CDH23: variants seen among roughly 807,000 people sequenced by gnomAD.
The protein encoded by CDH23 is cadherin related 23.
A neutral mutation model predicts 317.1 loss-of-function variants in CDH23; 189 were observed. The ratio of observed to expected loss-of-function variants is 0.60; its 90% CI spans 0.53 to 0.67. The LOEUF is 0.67. Among genes scored for constraint, CDH23 ranks in the 30% least tolerant of loss-of-function variants. CDH23 has a pLI of 0.00. For synonymous variants in CDH23, 1,839 were observed against 1,876.8 expected, an observed-to-expected ratio of 0.98 and a Z score of 0.52; for missense variants, 4,401 against 4,592.4, an observed-to-expected ratio of 0.96 and a Z score of 1.20.
chr10:71,748,770 A>G (rs755969435), intron 38 of CDH23: 1 of 152,626 alleles, frequency 6.6e-6, no homozygotes, highest in Admixed American at 6.5e-5. Flanking sequence ...CAGGGCTGGC[A>G]TCAGAGGCAC....
At chr10:71,729,567 G>C (rs568278655) in intron 30 of CDH23, among the ~76,000 whole-genome samples, 3 of 152,324 alleles carry the variant, frequency 2.0e-5, no homozygotes, top group Middle Eastern at 3.4e-3. Context: ...CCAACAGCCC[G>C]GGTGTGGGTG....
chr10:71,580,588 C>A (rs1370832849), intron 9 of CDH23, among the ~76,000 whole-genome samples: 1 of 152,174 alleles, frequency 6.6e-6, no homozygotes, highest in Non-Finnish European at 1.5e-5. Context: ...GTGCAGTATT[C>A]AATTGGCAGA....
At chr10:71,442,597 C>T (rs538148810) in intron 2 of CDH23, among the ~76,000 whole-genome samples, 1 of 152,276 alleles carries the variant, frequency 6.6e-6, no homozygotes, top group African/African-American at 2.4e-5. Context: ...GCCCTTCTCC[C>T]CTCTGGCCTC....
At chr10:71,497,114 G>A (rs1316327766) in intron 3 of CDH23, among the ~76,000 whole-genome samples, 1 of 152,182 alleles carries the variant, frequency 6.6e-6, no homozygotes, top group East Asian at 1.9e-4. Flanking sequence ...GGGGACATCA[G>A]GATCACTTCT....
intron 38 of CDH23, 53 bp from the exon 39 acceptor site, chr10:71,777,627 A>C: frequency 6.6e-7 from 1 of 1,513,042 alleles, no homozygotes; most frequent in Non-Finnish European, 9.0e-7. Flanking sequence ...ATCTGGATCC[A>C]CCTTGGTCCC....
At chr10:71,800,597 G>C in intron 52 of CDH23, 39 bp from the exon 53 acceptor site, 1 of 1,601,988 alleles carries the variant, frequency 6.2e-7, no homozygotes, top group Non-Finnish European at 8.5e-7. Context: ...AATATCTTTT[G>C]AATGATTGAA....
chr10:71,685,426 G>A (rs1158749072), intron 18 of CDH23, among the ~76,000 whole-genome samples: 1 of 152,226 alleles, frequency 6.6e-6, no homozygotes, highest in African/African-American at 2.4e-5. Context: ...CCTAAAAGGG[G>A]CCGGAGCATG....
chr10:71,746,502 G>C (rs1239492990), intron 38 of CDH23, among the ~76,000 whole-genome samples: 1 of 152,246 alleles, frequency 6.6e-6, no homozygotes. Flanking sequence ...TGTGCCACTG[G>C]CCGGGGGAGT....
At chr10:71,662,108 G>A (rs977715219) in intron 14 of CDH23, among the ~76,000 whole-genome samples, 1 of 151,732 alleles carries the variant, frequency 6.6e-6, no homozygotes, top group Non-Finnish European at 1.5e-5. Context: ...AATTTCTTCC[G>A]GCAGCCTGGG....
intron 30 of CDH23, among the ~76,000 whole-genome samples, chr10:71,726,089 C>A (rs1321252646): frequency 6.6e-6 from 1 of 152,186 alleles, no homozygotes; most frequent in Non-Finnish European, 1.5e-5. Context: ...TCCCGAATGG[C>A]TGAAAACCTA....
chr10:71,561,436 G>A (rs1358383205), intron 6 of CDH23, among the ~76,000 whole-genome samples: 2 of 152,026 alleles, frequency 1.3e-5, no homozygotes, highest in African/African-American at 2.4e-5. Context: ...GAGCAACCTA[G>A]CCACCTCTGG....
chr10:71,726,830 G>A (rs1342734145), intron 30 of CDH23, among the ~76,000 whole-genome samples: 2 of 152,174 alleles, frequency 1.3e-5, no homozygotes, highest in East Asian at 1.9e-4. Context: ...CTCGCTCCCC[G>A]CTCCCTCACC....
At chr10:71,554,064 G>A (rs553012160) in intron 6 of CDH23, among the ~76,000 whole-genome samples, 36 of 152,194 alleles carry the variant, frequency 2.4e-4, no homozygotes, top group African/African-American at 3.6e-4. Context: ...ACACAGCCCC[G>A]TGAGGTAATA....
chr10:71,572,342 T>A (rs1857873627), intron 8 of CDH23, among the ~76,000 whole-genome samples: 1 of 152,164 alleles, frequency 6.6e-6, no homozygotes, highest in African/African-American at 2.4e-5. Flanking sequence ...AGGTCAGCTG[T>A]GACGTGCTGT....
At chr10:71,762,201 G>C (rs1019940066) in intron 38 of CDH23, among the ~76,000 whole-genome samples, 2 of 152,244 alleles carry the variant, frequency 1.3e-5, no homozygotes, top group Non-Finnish European at 2.9e-5. Flanking sequence ...TCCATCCTAG[G>C]CTGTTGTAGG....
chr10:71,581,943 C>T (rs1004067147), intron 9 of CDH23, among the ~76,000 whole-genome samples: 6 of 152,180 alleles, frequency 3.9e-5, no homozygotes, highest in Non-Finnish European at 4.4e-5. Context: ...ATTGTGGGTT[C>T]GAGGCCCAGC....
At chr10:71,802,002 G>A (rs1289254958) in intron 53 of CDH23, among the ~76,000 whole-genome samples, 1 of 152,188 alleles carries the variant, frequency 6.6e-6, no homozygotes, top group Non-Finnish European at 1.5e-5. Context: ...CACTGAAAGG[G>A]GATCTTTAAA....
intron 3 of CDH23, among the ~76,000 whole-genome samples, chr10:71,502,481 AGAG>A (rs1423601074): frequency 6.6e-6 from 1 of 152,190 alleles, no homozygotes. Context: ...GGGATGGGGA[AGAG>A]GAGAAGGAAG....
intron 9 of CDH23, among the ~76,000 whole-genome samples, chr10:71,594,022 A>G (rs1859676364): frequency 6.6e-6 from 1 of 152,112 alleles, no homozygotes; most frequent in Non-Finnish European, 1.5e-5. Flanking sequence ...TGACCCCAGG[A>G]GTTTGAGGTT....
Sources: gnomAD v4.1 joint callset for allele counts (sites outside exome capture counted in the v4.1 genomes callset) on GRCh38, gnomAD v4.1.1 for gene constraint, MANE v1.5 for transcripts, NCBI Gene and HGNC (gene_info 2026-07-23, HGNC 2026-07-21) for gene names.